Variants in SHISA9 observed in about 807,000 individuals in gnomAD.
SHISA9 encodes shisa family member 9.
SHISA9 carries 13 observed loss-of-function variants against 38.0 expected under a neutral mutation model. The observed-to-expected ratio is 0.34, with a 90% CI of 0.22 to 0.54. SHISA9 has a LOEUF of 0.54. Among genes scored for constraint, SHISA9 ranks in the 20% least tolerant of loss-of-function variants. SHISA9 has a pLI of 0.91. For missense variants in SHISA9, 538 were observed against 575.8 expected (o/e 0.93, Z 0.67); for synonymous variants, 275 against 242.0 (o/e 1.14, Z -1.27).
At chr16:13,268,158 G>A in the SHISA9 span, among the ~76,000 whole-genome samples, 6 of 152,018 alleles carry the variant, frequency 3.9e-5, no homozygotes, top group African/African-American at 1.2e-4. Flanking sequence ...GATAGACACT[G>A]GGGGTAAAAA....
chr16:13,221,559 C>T (rs964079053), intron 4 of SHISA9, among the ~76,000 whole-genome samples: 2 of 151,076 alleles, frequency 1.3e-5, no homozygotes, highest in African/African-American at 4.9e-5. Flanking sequence ...TACTGTTTTA[C>T]GGTACTAAAA....
the SHISA9 span, among the ~76,000 whole-genome samples, chr16:13,412,529 C>T: frequency 6.6e-6 from 1 of 152,028 alleles, no homozygotes; most frequent in Non-Finnish European, 1.5e-5. Context: ...CATAGATGAA[C>T]CTCTTGTGGT....
chr16:12,907,005 A>G (rs1309555860), intron 1 of SHISA9, among the ~76,000 whole-genome samples: 1 of 151,746 alleles, frequency 6.6e-6, no homozygotes, highest in Non-Finnish European at 1.5e-5. Flanking sequence ...CACTCTTTCC[A>G]TATTTTTTTC....
chr16:12,923,958 A>G (rs935506163), intron 2 of SHISA9, among the ~76,000 whole-genome samples: 11 of 152,184 alleles, frequency 7.2e-5, no homozygotes, highest in African/African-American at 2.7e-4. Flanking sequence ...CTCACAGTGA[A>G]TATTTGAGTC....
chr16:13,373,681 G>A, the SHISA9 span, among the ~76,000 whole-genome samples: 3 of 150,178 alleles, frequency 2.0e-5, no homozygotes, highest in East Asian at 4.0e-4. Flanking sequence ...AGAATTGCTT[G>A]AACCCAGGAG....
chr16:12,957,934 T>C (rs1352980260), intron 2 of SHISA9, among the ~76,000 whole-genome samples: 4 of 152,202 alleles, frequency 2.6e-5, no homozygotes, highest in Non-Finnish European at 5.9e-5. Context: ...GGGGCTCGAC[T>C]TTCAAGACCT....
At chr16:13,359,922 AAG>A in the SHISA9 span, among the ~76,000 whole-genome samples, 1 of 152,200 alleles carries the variant, frequency 6.6e-6, no homozygotes, top group African/African-American at 2.4e-5. Context: ...CTGGTCCCCC[AAG>A]ACTCAAGAAA....
chr16:13,068,293 C>A (rs1424331293), intron 2 of SHISA9, among the ~76,000 whole-genome samples: 1 of 152,192 alleles, frequency 6.6e-6, no homozygotes, highest in Non-Finnish European at 1.5e-5. Context: ...ATAAAATGAG[C>A]CAACAGTAGT....
At chr16:13,170,838 G>A (rs1421913125) in intron 2 of SHISA9, among the ~76,000 whole-genome samples, 1 of 152,076 alleles carries the variant, frequency 6.6e-6, no homozygotes, top group Non-Finnish European at 1.5e-5. Flanking sequence ...TGTATTTTTA[G>A]TACAGATGGG....
the SHISA9 span, among the ~76,000 whole-genome samples, chr16:13,518,067 A>T: frequency 3.3e-5 from 5 of 152,142 alleles, no homozygotes; most frequent in Non-Finnish European, 5.9e-5. Flanking sequence ...CTCCCAGCCC[A>T]GTCAGGACCT....
intron 2 of SHISA9, among the ~76,000 whole-genome samples, chr16:13,104,844 A>T (rs2073911170): frequency 6.6e-6 from 1 of 152,216 alleles, no homozygotes. Context: ...ATGGTATGCA[A>T]ATTACATATC....
At chr16:13,177,006 G>A (rs1285946376) in intron 2 of SHISA9, among the ~76,000 whole-genome samples, 1 of 152,124 alleles carries the variant, frequency 6.6e-6, no homozygotes, top group African/African-American at 2.4e-5. Flanking sequence ...GCTCAGAGCT[G>A]GGGATCCTCT....
At chr16:13,425,839 A>G in the SHISA9 span, among the ~76,000 whole-genome samples, 1 of 152,152 alleles carries the variant, frequency 6.6e-6, no homozygotes. Context: ...TTCTTCCTAG[A>G]GAAGATCCCC....
At chr16:13,406,225 A>G in the SHISA9 span, among the ~76,000 whole-genome samples, 9 of 152,338 alleles carry the variant, frequency 5.9e-5, no homozygotes, top group African/African-American at 2.2e-4. Flanking sequence ...AAACCAAGAC[A>G]TTATGGAGGC....
chr16:13,009,779 C>T (rs1439430186), intron 2 of SHISA9, among the ~76,000 whole-genome samples: 1 of 152,208 alleles, frequency 6.6e-6, no homozygotes, highest in African/African-American at 2.4e-5. Flanking sequence ...GCGGGATGAT[C>T]AATGGCTCTG....
At chr16:13,289,484 A>C in the SHISA9 span, among the ~76,000 whole-genome samples, 1 of 152,044 alleles carries the variant, frequency 6.6e-6, no homozygotes, top group African/African-American at 2.4e-5. Flanking sequence ...GTGGGACAAA[A>C]GTCCTTGTGC....
At chr16:13,041,328 A>G (rs980609300) in intron 2 of SHISA9, among the ~76,000 whole-genome samples, 1 of 152,176 alleles carries the variant, frequency 6.6e-6, no homozygotes. Flanking sequence ...TGGCTGACCC[A>G]GGCTTAGGAC....
chr16:12,973,447 C>T (rs1440624418), intron 2 of SHISA9, among the ~76,000 whole-genome samples: 1 of 152,138 alleles, frequency 6.6e-6, no homozygotes, highest in Admixed American at 6.5e-5. Flanking sequence ...CTACAGACTA[C>T]GCTAGTTAAT....
chr16:13,248,557 C>G, the SHISA9 span, among the ~76,000 whole-genome samples: 1,057 of 152,250 alleles, frequency 6.9e-3, 7 homozygotes, highest in Middle Eastern at 0.031. Context: ...CCTAGTTTTT[C>G]TCATCTGTAG....
Sources: allele counts gnomAD v4.1 joint callset (sites outside exome capture counted in the v4.1 genomes callset), GRCh38; gene constraint gnomAD v4.1.1; transcripts MANE v1.5; gene names NCBI Gene and HGNC (gene_info 2026-07-23, HGNC 2026-07-21).